The following ZFHX3 variants were observed in gnomAD, a reference collection of about 807,000 sequenced individuals.
ZFHX3 encodes the protein zinc finger homeobox 3, also known as zinc finger homeobox protein 3.
ZFHX3 carries 42 observed loss-of-function variants against 279.1 expected under a neutral mutation model. The ratio of observed to expected loss-of-function variants is 0.15; its 90% CI spans 0.12 to 0.19. The LOEUF (loss-of-function observed/expected upper bound fraction) is 0.19, where lower values mean the gene tolerates loss of function less well. Among genes scored for constraint, ZFHX3 ranks in the 10% least tolerant of loss-of-function variants. ZFHX3 has a pLI of 1.00. For synonymous variants in ZFHX3, 2,293 were observed against 1,957.8 expected, an observed-to-expected ratio of 1.17 and a Z score of -4.52; for missense variants, 4,981 against 4,754.0, an observed-to-expected ratio of 1.05 and a Z score of -1.40.
chr16:73,321,309 A>T (rs1311979768), intron 3 of ZFHX3, among the ~76,000 whole-genome samples: 2 of 152,110 alleles, frequency 1.3e-5, no homozygotes, highest in Non-Finnish European at 2.9e-5. Context: ...TGCATTAGAG[A>T]CCTGCTGTCA....
At chr16:72,979,969 A>G (rs1962515657) in intron 1 of ZFHX3, among the ~76,000 whole-genome samples, 1 of 152,232 alleles carries the variant, frequency 6.6e-6, no homozygotes, top group African/African-American at 2.4e-5. Context: ...AGCTCCAGTA[A>G]TTTCTCAACT....
chr16:73,028,730 G>T (rs888340702), intron 1 of ZFHX3, among the ~76,000 whole-genome samples: 3 of 152,212 alleles, frequency 2.0e-5, no homozygotes, highest in African/African-American at 7.2e-5. Context: ...CCCATCCCTG[G>T]GAAAGGGGGC....
At chr16:72,903,552 A>G (rs2144142701) in intron 3 of ZFHX3, among the ~76,000 whole-genome samples, 1 of 152,232 alleles carries the variant, frequency 6.6e-6, no homozygotes, top group South Asian at 2.1e-4. Flanking sequence ...AGAAAACCGT[A>G]TTCTTACTGA....
At chr16:73,754,913 C>T (rs1461221462) in intron 1 of ZFHX3, among the ~76,000 whole-genome samples, 1 of 152,258 alleles carries the variant, frequency 6.6e-6, no homozygotes, top group East Asian at 1.9e-4. Flanking sequence ...CCCCCAAACC[C>T]AAGAGTTTAA....
chr16:73,813,549 G>A (rs1187481271), intron 1 of ZFHX3, among the ~76,000 whole-genome samples: 1 of 152,056 alleles, frequency 6.6e-6, no homozygotes, highest in Non-Finnish European at 1.5e-5. Context: ...GAAAAACAGT[G>A]GGCATTGCAT....
chr16:73,789,955 T>A (rs937293600), intron 1 of ZFHX3, among the ~76,000 whole-genome samples: 2 of 152,136 alleles, frequency 1.3e-5, no homozygotes, highest in Admixed American at 6.5e-5. Context: ...TCTGCCTCAT[T>A]TATTATCGCA....
intron 1 of ZFHX3, among the ~76,000 whole-genome samples, chr16:73,835,959 A>G (rs1164498852): frequency 6.6e-6 from 1 of 152,176 alleles, no homozygotes; most frequent in Non-Finnish European, 1.5e-5. Flanking sequence ...AAAGGGCCAC[A>G]AAAGAAAATG....
At chr16:73,129,085 G>T (rs1215808669) in intron 7 of ZFHX3, among the ~76,000 whole-genome samples, 1 of 152,028 alleles carries the variant, frequency 6.6e-6, no homozygotes, top group Admixed American at 6.6e-5. Context: ...GAGAAACTGA[G>T]CCTTAAAGAG....
chr16:73,717,863 C>T (rs191353113), intron 1 of ZFHX3, among the ~76,000 whole-genome samples: 293 of 152,268 alleles, frequency 1.9e-3, no homozygotes, highest in African/African-American at 6.5e-3. Flanking sequence ...TGCACAATTA[C>T]CCACACTTTG....
intron 2 of ZFHX3, among the ~76,000 whole-genome samples, chr16:73,490,769 C>G (rs575740499): frequency 6.6e-6 from 1 of 152,030 alleles, no homozygotes; most frequent in Non-Finnish European, 1.5e-5. Flanking sequence ...CCCAGGAGGT[C>G]GATGCTACAG....
intron 1 of ZFHX3, among the ~76,000 whole-genome samples, chr16:73,694,437 G>A (rs979108148): frequency 3.3e-5 from 5 of 151,950 alleles, no homozygotes; most frequent in African/African-American, 7.3e-5. Context: ...TCCACCTCCC[G>A]AGCTCAAGCA....
At position 72,875,946 on chromosome 16, in the gene ZFHX3, G is replaced by C. The variant is rs568708830; in HGVS notation, c.3448+13785C>G. The stretch of plus-strand genomic sequence containing the variant: ...TGATGATAACTCCAGCCCATGCCCC[G>C]GTGATTTTTGACAATTGAATTAATG... On this transcript the variant is annotated intron_variant, in intron 4 of 9. Coordinates refer to ENST00000268489, the MANE Select transcript of ZFHX3 (RefSeq NM_006885.4). 2.6e-5 allele frequency among the ~76,000 whole-genome samples: 4 copies of C among 152,170 alleles called. No homozygotes were observed. In the East Asian group the frequency reaches 7.7e-4, roughly 29 times the overall value.
At chr16:73,619,315 C>T (rs1406710694) in intron 2 of ZFHX3, among the ~76,000 whole-genome samples, 5 of 151,512 alleles carry the variant, frequency 3.3e-5, no homozygotes, top group South Asian at 2.1e-4. Context: ...GGTGAAATCC[C>T]GTCTCTACTA....
At chr16:73,783,790 A>G (rs1490005596) in intron 1 of ZFHX3, among the ~76,000 whole-genome samples, 3 of 152,212 alleles carry the variant, frequency 2.0e-5, no homozygotes, top group Admixed American at 1.3e-4. Context: ...CATTTTCCAG[A>G]TGAGAAAACT....
At chr16:73,870,531 G>C (rs1224856543) in intron 1 of ZFHX3, among the ~76,000 whole-genome samples, 2 of 151,620 alleles carry the variant, frequency 1.3e-5, no homozygotes, top group Admixed American at 6.6e-5. Context: ...AGGAACTGAG[G>C]AATAGCCAGA....
chr16:72,930,246 A>T (rs1254330342), intron 3 of ZFHX3, among the ~76,000 whole-genome samples: 4 of 152,226 alleles, frequency 2.6e-5, no homozygotes, highest in Middle Eastern at 3.4e-3. Context: ...AATAAAATAA[A>T]ATAATATACT....
At chr16:72,875,610 A>G (rs1051636994) in intron 4 of ZFHX3, among the ~76,000 whole-genome samples, 3 of 152,348 alleles carry the variant, frequency 2.0e-5, no homozygotes, top group Middle Eastern at 3.4e-3. Context: ...CATTCCGCCC[A>G]TAAAAATGCT....
At chr16:73,597,803 T>G (rs1459347101) in intron 2 of ZFHX3, among the ~76,000 whole-genome samples, 2 of 152,360 alleles carry the variant, frequency 1.3e-5, no homozygotes, top group Admixed American at 1.3e-4. Flanking sequence ...GAATTTCTAT[T>G]GCTTTAAATC....
At chr16:72,872,047 C>T (rs547388033) in intron 4 of ZFHX3, among the ~76,000 whole-genome samples, 14 of 151,886 alleles carry the variant, frequency 9.2e-5, no homozygotes, top group South Asian at 8.3e-4. Flanking sequence ...ATCCTGCCAC[C>T]GCACTTGCAC....
Sources: allele counts gnomAD v4.1 joint callset (sites outside exome capture counted in the v4.1 genomes callset), GRCh38; gene constraint gnomAD v4.1.1; transcripts MANE v1.5; gene names NCBI Gene and HGNC (gene_info 2026-07-23, HGNC 2026-07-21).